The following DOCK5 variants were observed in gnomAD, a reference collection of about 807,000 sequenced individuals.
The protein encoded by DOCK5 is dedicator of cytokinesis 5.
In DOCK5, 142 loss-of-function variants were observed where a neutral mutation model predicts 251.8. The observed-to-expected ratio is 0.56, with a 90% CI of 0.49 to 0.65. DOCK5 has a LOEUF of 0.65. Ranked by LOEUF, DOCK5 falls within the 30% of genes least tolerant of loss-of-function variation. The probability of loss-of-function intolerance (pLI) is 0.00; values close to 1 mark genes in which losing one functional copy is unlikely to be tolerated. For missense variants in DOCK5, 2,111 were observed against 2,312.3 expected, an observed-to-expected ratio of 0.91 and a Z score of 1.79; for synonymous variants, 842 against 835.5, an observed-to-expected ratio of 1.01 and a Z score of -0.13.
chr8:25,248,437 G>A (rs1466009111), intron 2 of DOCK5, among the ~76,000 whole-genome samples: 6 of 152,140 alleles, frequency 3.9e-5, no homozygotes, highest in Admixed American at 2.0e-4. Flanking sequence ...TGGAACTGAA[G>A]GGTGACACTG....
chr8:25,341,568 A>G (rs1002819785), intron 23 of DOCK5, among the ~76,000 whole-genome samples, 171 bp from the exon 24 acceptor site: 2 of 152,164 alleles, frequency 1.3e-5, no homozygotes, highest in African/African-American at 2.4e-5. Context: ...CAGGAAAAGC[A>G]TTTTAGGAGA....
Position 25,322,604 on chromosome 8 carries a change from G to C in DOCK5, c.1616-1244G>C, listed in dbSNP as rs1345842516. ...TTAACAATTAACAAAGGTCAAGTTTGTATGAAGTATTATGTGAAGCTATAT... is the reference window on the plus strand; with the variant it reads ...TTAACAATTAACAAAGGTCAAGTTTCTATGAAGTATTATGTGAAGCTATAT... On this transcript the variant is annotated intron_variant, in intron 16 of 51. Coordinates refer to ENST00000276440, the MANE Select transcript of DOCK5 (RefSeq NM_024940.8). Among the ~76,000 whole-genome samples, 3 of 152,224 alleles carry C rather than the reference G, an allele frequency of 2.0e-5. 1 individual carries two copies. The highest frequency in any genetic ancestry group is 7.2e-5 in the African/African-American group (3 of 41,470).
intron 2 of DOCK5, among the ~76,000 whole-genome samples, chr8:25,251,237 A>G (rs987595690): frequency 2.6e-5 from 4 of 152,058 alleles, no homozygotes; most frequent in African/African-American, 4.8e-5. Context: ...ATACAACACA[A>G]TTGACCGCTG....
intron 1 of DOCK5, among the ~76,000 whole-genome samples, chr8:25,243,189 C>T (rs774864529): frequency 6.6e-5 from 10 of 152,116 alleles, no homozygotes; most frequent in African/African-American, 1.7e-4. Context: ...TAACACAGTT[C>T]GTGATGTGTA....
chr8:25,364,681 G>C lies in DOCK5; in HGVS notation c.3100G>C (p.Asp1034His). 1 of 1,597,288 alleles carries C rather than the reference G, an allele frequency of 6.3e-7. No individual in the cohort carries two copies. Residue 1034 changes from aspartate (D) to histidine (H), a missense_variant, in exon 30 of 52, where the codon GAT becomes CAT. Asp to His is a moderately conservative substitution (Grantham distance 81). Transcript: ENST00000276440. ...FAEVLTRFFM[D>H]QASFELQLWN... ...TGAAGTTCTCACAAGATTCTTCATG[G>C]ATCAGGCAAGCTTTGAACTTCAGGT...
intron 48 of DOCK5, among the ~76,000 whole-genome samples, chr8:25,405,721 T>G (rs113303885): frequency 3.2e-4 from 49 of 152,302 alleles, no homozygotes; most frequent in African/African-American, 1.1e-3. Context: ...AGTGATGGCT[T>G]TTTGATGCTG....
At chr8:25,409,234 C>CTAA (rs769034150) in intron 50 of DOCK5, among the ~76,000 whole-genome samples, 8 of 152,194 alleles carry the variant, frequency 5.3e-5, no homozygotes, top group Non-Finnish European at 1.0e-4. Context: ...AACTTACAAG[C>CTAA]TAACCATTAG....
chr8:25,403,678 T>A lies in DOCK5; in HGVS notation c.5047T>A (p.Ser1683Thr), dbSNP rs764251890. ...TSVTSSVVSTSSNSSDNAPSR... is the reference protein window; with the variant it reads ...TSVTSSVVSTTSNSSDNAPSR... Reference sequence around the variant, plus strand: ...AGTCACTTCCTCTGTGGTTTCCACCTCTTCAAACTCGTCTGACAATGCTCC... The same window carrying A: ...AGTCACTTCCTCTGTGGTTTCCACCACTTCAAACTCGTCTGACAATGCTCC... The change falls in exon 48 of 52, where the codon TCT becomes ACT. Residue 1683 changes from serine (S) to threonine (T), a missense_variant. Physicochemically the swap from Ser to Thr is moderately conservative, Grantham distance 58 (BLOSUM62 1). This residue lies in a region of DOCK5 where 1,717 missense variants were observed against 1,892.4 expected (regional missense o/e 0.91). Transcript: ENST00000276440. 16 of 1,613,868 alleles carry A rather than the reference T, an allele frequency of 9.9e-6. No homozygotes were observed. The highest frequency in any genetic ancestry group is 1.4e-5 in the Non-Finnish European group (16 of 1,179,884).
rs374750021 is a variant in DOCK5 at position 25,403,713 on chromosome 8, G to A, written c.5082G>A (p.Pro1694=). 1.8e-5 allele frequency: 29 copies of A among 1,613,654 alleles called. No homozygotes were observed. Among genetic ancestry groups the A allele is most frequent in the Middle Eastern group, 1.6e-4 (1 of 6,084 alleles). ...CGTCTGACAATGCTCCTTCCAGACC[G>A]GGATCTGATGGGTAAGGGTTTCATC... ...SNSSDNAPSR[P]GSDGSILEPL... The change falls in exon 48 of 52, where the codon CCG becomes CCA. Residue 1694 remains proline, a synonymous_variant. Transcript: ENST00000276440.
chr8:25,283,537 G>A (rs566285067), intron 5 of DOCK5, among the ~76,000 whole-genome samples: 12 of 152,286 alleles, frequency 7.9e-5, no homozygotes, highest in East Asian at 3.9e-4. Context: ...CAAGGACTCC[G>A]CCAATGGGAG....
chr8:25,270,917 T>C, intron 3 of DOCK5: 1 of 663,040 alleles, frequency 1.5e-6, no homozygotes, highest in Non-Finnish European at 2.8e-6. Context: ...GTCTAGATTA[T>C]TTATAATACC....
intron 17 of DOCK5, among the ~76,000 whole-genome samples, chr8:25,324,795 T>TC (rs1586330180): frequency 1.6e-5 from 1 of 62,296 alleles, no homozygotes; most frequent in African/African-American, 6.0e-5. Flanking sequence ...CCCTCCCCCC[T>TC]CCCCGCCCCC....
Position 25,304,338 on chromosome 8 carries a change from T to C in DOCK5, c.1049+11T>C, listed in dbSNP as rs1203809516. 2.5e-6 allele frequency: 4 copies of C among 1,601,938 alleles called. No individual in the cohort carries two copies. The highest frequency in any genetic ancestry group is 4.5e-5 in the East Asian group (2 of 44,482). On this transcript the variant is annotated intron_variant, in intron 11 of 51. Coordinates refer to ENST00000276440, the MANE Select transcript of DOCK5 (RefSeq NM_024940.8). ...TATTCCCTTTCAGCAGTAAGTACTT[T>C]GGCATGTGTCCCAGGTGACTTGAGA...
intron 6 of DOCK5, among the ~76,000 whole-genome samples, chr8:25,295,618 G>T (rs1216167287): frequency 6.6e-6 from 1 of 152,050 alleles, no homozygotes; most frequent in Non-Finnish European, 1.5e-5. Flanking sequence ...ACCATCTTAA[G>T]TTAAGGAAAT....
Position 25,411,388 on chromosome 8 carries a change from C to T in DOCK5, c.*90C>T. The T allele has an allele frequency of 2.3e-6, 3 of 1,332,908 alleles. No homozygotes were observed. The highest frequency in any genetic ancestry group is 2.9e-6 in the Non-Finnish European group (3 of 1,035,524). 82.6% of individuals were successfully genotyped at this position (1,332,908 alleles called of 1,614,324 possible). On this transcript the variant is annotated 3_prime_UTR_variant, in exon 52 of 52. Transcript: ENST00000276440. ...CCGGTGTCCTCATTCCATGGGGCTC[C>T]CTGCTGACTGCATTTCCTGATCTGG... is the stretch of plus-strand genomic sequence containing the variant.
chr8:25,296,468 C>T (rs1360988063), intron 6 of DOCK5, 45 bp from the exon 7 acceptor site: 2 of 1,581,882 alleles, frequency 1.3e-6, no homozygotes, highest in South Asian at 2.3e-5. Context: ...AGTAAAAAGT[C>T]TGCCCCTGGT....
At chr8:25,286,380 C>G (rs1050932937) in intron 5 of DOCK5, among the ~76,000 whole-genome samples, 1 of 152,146 alleles carries the variant, frequency 6.6e-6, no homozygotes, top group Admixed American at 6.6e-5. Context: ...GACTCAAAGA[C>G]GCTTATCCTT....
intron 39 of DOCK5, among the ~76,000 whole-genome samples, chr8:25,381,153 G>C (rs1249888385): frequency 6.6e-6 from 1 of 152,216 alleles, no homozygotes; most frequent in Non-Finnish European, 1.5e-5. Flanking sequence ...CCCAGTGGTA[G>C]GCAACCATAA....
Position 25,334,076 on chromosome 8 carries a change from C to G in DOCK5, c.2092-20C>G, listed in dbSNP as rs762745716. On this transcript the variant is annotated intron_variant, in intron 20 of 51. Coordinates refer to ENST00000276440, the MANE Select transcript of DOCK5 (RefSeq NM_024940.8). The stretch of plus-strand genomic sequence containing the variant: ...TTGGGATTGTGCAGTGCTGCTATTT[C>G]TATTTTTCACTTTTGGCAGGTATTT... 13 of 1,592,626 alleles carry G rather than the reference C, an allele frequency of 8.2e-6. No individual in the cohort carries two copies. The Admixed American group carries it at 2.2e-4, about 27-fold the overall frequency.
Sources: gnomAD v4.1 joint callset for allele counts (sites outside exome capture counted in the v4.1 genomes callset) on GRCh38, gnomAD v4.1.1 for gene constraint, gnomAD v4.1.1 regional missense constraint, MANE v1.5 for transcripts, NCBI Gene and HGNC (gene_info 2026-07-23, HGNC 2026-07-21) for gene names.